The following HCN2 variants were observed in gnomAD, a reference collection of about 807,000 sequenced individuals.
HCN2 encodes the protein hyperpolarization activated cyclic nucleotide gated potassium and sodium channel 2.
HCN2 carries 20 observed loss-of-function variants against 52.3 expected under a neutral mutation model. The observed-to-expected ratio is 0.38, with a 90% CI of 0.27 to 0.56. The LOEUF (loss-of-function observed/expected upper bound fraction) is 0.56. HCN2 is among the 20% of genes least tolerant of loss of function. HCN2 has a pLI of 0.71. For missense variants in HCN2, 981 were observed against 1,207.7 expected (o/e 0.81, Z 2.78); for synonymous variants, 694 against 537.0 (o/e 1.29, Z -4.04).
chr19:614,460 A>AGGGCAGGTG (rs1275211742), intron 7 of HCN2, among the ~76,000 whole-genome samples: 4 of 152,158 alleles, frequency 2.6e-5, no homozygotes, highest in African/African-American at 9.7e-5. Context: ...GTGTGCCAGC[A>AGGGCAGGTG]GGGCAGGTGG....
rs556910106 is a variant in HCN2 at position 613,382 on chromosome 19, C to T, written c.1719C>T (p.Arg573=). 34 of 1,612,770 alleles carry T rather than the reference C, an allele frequency of 2.1e-5. No individual in the cohort carries two copies. The Admixed American group carries it at 2.2e-4, about 10-fold the overall frequency. ...TCCAGCCGGGTGACTACATCATCCGCGAAGGCACCATCGGGAAGAAGATGT... is the reference window on the plus strand; with the variant it reads ...TCCAGCCGGGTGACTACATCATCCGTGAAGGCACCATCGGGAAGAAGATGT... The part of the protein sequence containing the change: ...EVFQPGDYII[R]EGTIGKKMYF... The change falls in exon 6 of 8, where the codon CGC becomes CGT. Residue 573 remains arginine, a synonymous_variant. Transcript: ENST00000251287.
chr19:613,638 C>CGGGGATGGGGAT, intron 6 of HCN2, 150 bp downstream of exon 6: 1 of 37,048 alleles, frequency 2.7e-5, no homozygotes, highest in Non-Finnish European at 4.4e-5. Flanking sequence ...GGGATGGGGC[C>CGGGGATGGGGAT]GGGGATGGGG....
At chr19:600,444 G>A (rs1168946593) in intron 1 of HCN2, among the ~76,000 whole-genome samples, 2 of 151,972 alleles carry the variant, frequency 1.3e-5, no homozygotes, top group Admixed American at 1.3e-4. Context: ...TGGTTCAAGC[G>A]ATTCTCCTGC....
intron 4 of HCN2, among the ~76,000 whole-genome samples, chr19:609,467 T>TA (rs1202363277): frequency 6.6e-6 from 1 of 152,142 alleles, no homozygotes; most frequent in Non-Finnish European, 1.5e-5. Context: ...GGTTGCTAGA[T>TA]AAAGTTCAGG....
chr19:610,486 C>T (rs1983581481), intron 5 of HCN2, 81 bp downstream of exon 5: 6 of 1,304,926 alleles, frequency 4.6e-6, no homozygotes, highest in Non-Finnish European at 6.5e-6. Flanking sequence ...GAGCCGGTCC[C>T]TGAGGGAGGC....
chr19:609,981 C>T (rs1180252828), intron 4 of HCN2, among the ~76,000 whole-genome samples: 1 of 152,216 alleles, frequency 6.6e-6, no homozygotes, highest in Non-Finnish European at 1.5e-5. Flanking sequence ...CTTGTTGAAT[C>T]TGGCCGCCCC....
rs1281319452 is a variant in HCN2, at chr19:591,569, A to G, written c.632+992A>G. On this transcript the variant is annotated intron_variant, in intron 1 of 7. Transcript: ENST00000251287. The surrounding 1 kb of genome is among the most constrained non-coding windows in gnomAD (Gnocchi z 4.1). Reference sequence around the variant, plus strand: ...TGGAGGGATGCGTGTGTGTTTGTGTATCCACGAGTGGGGTGTGAGGTGGGG... The same window carrying G: ...TGGAGGGATGCGTGTGTGTTTGTGTGTCCACGAGTGGGGTGTGAGGTGGGG... 3.3e-5 allele frequency among the ~76,000 whole-genome samples: 5 copies of G among 151,772 alleles called. No homozygotes were observed. The South Asian group carries it at 1.0e-3, about 31-fold the overall frequency.
At chr19:594,432 A>C (rs1396647203) in intron 1 of HCN2, among the ~76,000 whole-genome samples, 1 of 151,982 alleles carries the variant, frequency 6.6e-6, no homozygotes, top group South Asian at 2.1e-4. Flanking sequence ...GTGTTTCTGA[A>C]TTGTCTTCAG....
Position 607,087 on chromosome 19 carries a change from G to C in HCN2, c.1219-877G>C, listed in dbSNP as rs181959145. Among the ~76,000 whole-genome samples, 216 of 152,258 alleles carry C rather than the reference G, an allele frequency of 1.4e-3. 1 individual carries two copies. The highest frequency in any genetic ancestry group is 5.0e-3 in the African/African-American group (207 of 41,530). On this transcript the variant is annotated intron_variant, in intron 3 of 7. Transcript: ENST00000251287. Reference sequence around the variant, plus strand: ...CTTGAGAGGCCAAGGCAGGAGAATCGCTTGAACCCGGGAGCGGAGGCTGCC... The same window carrying C: ...CTTGAGAGGCCAAGGCAGGAGAATCCCTTGAACCCGGGAGCGGAGGCTGCC...
intron 3 of HCN2, among the ~76,000 whole-genome samples, chr19:607,321 T>C (rs1360590937): frequency 6.6e-6 from 1 of 152,138 alleles, no homozygotes; most frequent in Non-Finnish European, 1.5e-5. Context: ...GCCTGGGGAG[T>C]GCTGTGCCCC....
chr19:612,571 A>G (rs149819425), intron 5 of HCN2, among the ~76,000 whole-genome samples: 3,579 of 151,610 alleles, frequency 0.024, 70 homozygotes, highest in African/African-American at 0.054. Flanking sequence ...CCGCCACCAC[A>G]CCCAGCTAAT....
At position 616,459 on chromosome 19, in the gene HCN2, C is replaced by G. The variant is rs950659914; in HGVS notation, c.2655C>G (p.Leu885=). 33 of 1,237,430 alleles carry G rather than the reference C, an allele frequency of 2.7e-5. No individual in the cohort carries two copies. The highest frequency in any genetic ancestry group is 1.4e-4 in the Admixed American group (3 of 22,120). The allele number at this position is 1,237,430 out of a possible 1,614,324, so 76.7% of individuals were successfully genotyped here. A position where few individuals can be genotyped will look rare whatever the true frequency, so the allele number is the denominator to read the frequency against. The stretch of plus-strand genomic sequence containing the variant: ...CCCAGGACTCCGCGCGCTCGCGCCT[C>G]TCGTCCAACTTGTGACCCTCGCCGA... ...LDPQDSARSR[L]SSNL Residue 885 remains leucine, a synonymous_variant, in exon 8 of 8, where the codon CTC becomes CTG. Transcript: ENST00000251287.
At chr19:610,903 C>T (rs967923551) in intron 5 of HCN2, among the ~76,000 whole-genome samples, 21 of 152,068 alleles carry the variant, frequency 1.4e-4, no homozygotes, top group Non-Finnish European at 1.8e-4. Context: ...AGGCGTGGGC[C>T]GGGCCGTGCT....
Position 616,343 on chromosome 19 carries a change from C to A in HCN2, c.2539C>A (p.Arg847Ser). 1 of 1,209,328 alleles carries A rather than the reference C, an allele frequency of 8.3e-7. No homozygotes were observed. Among genetic ancestry groups the A allele is most frequent in the Non-Finnish European group, 1.0e-6 (1 of 960,452 alleles). 74.9% of individuals were successfully genotyped at this position (1,209,328 alleles called of 1,614,324 possible). A position where few individuals can be genotyped will look rare whatever the true frequency, so the allele number is the denominator to read the frequency against. ...STRPASSSTP[R>S]LGPTPAARAA... ...ACGCCCGGCCAGCAGCTCCACACCGCGCTTGGGGCCCACGCCCGCTGCCCG... is the reference window on the plus strand; with the variant it reads ...ACGCCCGGCCAGCAGCTCCACACCGAGCTTGGGGCCCACGCCCGCTGCCCG... The change falls in exon 8 of 8, where the codon CGC becomes AGC. Residue 847 changes from arginine (R) to serine (S), a missense_variant. Around this residue, in one of 6 missense-constraint regions of HCN2, gnomAD observed 368 missense variants for 314.8 expected, o/e 1.17. Transcript: ENST00000251287.
intron 5 of HCN2, among the ~76,000 whole-genome samples, chr19:611,980 CACTAAAAAT>C (rs2144529211): frequency 6.6e-6 from 1 of 152,086 alleles, no homozygotes; most frequent in Admixed American, 6.5e-5. Context: ...GCCCCGTCTC[CACTAAAAAT>C]ACAAAATTAG....
In HCN2 at chr19:614,454, G is replaced by A. The variant is rs139115782; in HGVS notation, c.1990+438G>A. 3.8e-4 allele frequency among the ~76,000 whole-genome samples: 58 copies of A among 152,338 alleles called. No individual in the cohort carries two copies. In the East Asian group the frequency reaches 8.9e-3, roughly 23 times the overall value. On this transcript the variant is annotated intron_variant, in intron 7 of 7. Transcript: ENST00000251287. Reference sequence around the variant, plus strand: ...GAAATCACACACGACTGGGCTGTGTGCCAGCAGGGCAGGTGGGGCCGGTGG... The same window carrying A: ...GAAATCACACACGACTGGGCTGTGTACCAGCAGGGCAGGTGGGGCCGGTGG...
At chr19:599,560 A>T (rs1384685935) in intron 1 of HCN2, among the ~76,000 whole-genome samples, 1 of 151,868 alleles carries the variant, frequency 6.6e-6, no homozygotes, top group African/African-American at 2.4e-5. Context: ...CGGGCGGATC[A>T]CGAGGTCAGG....
At chr19:594,582 C>T (rs571281070) in intron 1 of HCN2, among the ~76,000 whole-genome samples, 16 of 152,302 alleles carry the variant, frequency 1.1e-4, no homozygotes, top group South Asian at 2.1e-4. Flanking sequence ...CCCTGGGCCC[C>T]GCCTCAGATG....
intron 6 of HCN2, 36 bp downstream of exon 6, chr19:613,524 G>A (rs746839302): frequency 1.0e-6 from 1 of 976,366 alleles, no homozygotes; most frequent in Admixed American, 2.2e-5. Flanking sequence ...AGGGGGAGGG[G>A]GCACGCGACC....
Sources: gnomAD v4.1 joint callset for allele counts (sites outside exome capture counted in the v4.1 genomes callset) on GRCh38, gnomAD v4.1.1 for gene constraint, gnomAD v4.1.1 regional missense constraint, Gnocchi (gnomAD v3.1) non-coding constraint, MANE v1.5 for transcripts, NCBI Gene and HGNC (gene_info 2026-07-23, HGNC 2026-07-21) for gene names.